The following TBC1D2 variants were observed in gnomAD, a reference collection of about 807,000 sequenced individuals.
TBC1D2 encodes TBC1 domain family member 2A.
Under a neutral mutation model 91.1 loss-of-function variants are expected in TBC1D2, and 58 were observed. That is an observed-to-expected ratio of 0.64 (90% confidence interval 0.52 to 0.79). The LOEUF is 0.79. TBC1D2 is among the 30% of genes least tolerant of loss of function. The probability of loss-of-function intolerance (pLI) is 0.00; values close to 1 mark genes in which losing one functional copy is unlikely to be tolerated. For synonymous variants in TBC1D2, 482 were observed against 511.5 expected (o/e 0.94, Z 0.78); for missense variants, 1,080 against 1,208.3 (o/e 0.89, Z 1.57).
chr9:98,201,399 C>T, intron 11 of TBC1D2, 80 bp downstream of exon 11: 1 of 1,341,576 alleles, frequency 7.5e-7, no homozygotes. Flanking sequence ...TCTTCCCATT[C>T]TCCAGGGGCA....
At chr9:98,213,366 A>C in intron 6 of TBC1D2, 148 bp from the exon 7 acceptor site, 1 of 1,464,154 alleles carries the variant, frequency 6.8e-7, no homozygotes. Context: ...AAGAAAAATA[A>C]AATACTCATA....
chr9:98,242,243 C>A (rs1486062468), intron 3 of TBC1D2, among the ~76,000 whole-genome samples: 1 of 152,016 alleles, frequency 6.6e-6, no homozygotes, highest in Non-Finnish European at 1.5e-5. Context: ...AGTTTGAGAC[C>A]AGCCTGGCCA....
At chr9:98,236,769 G>A (rs910826805) in intron 3 of TBC1D2, among the ~76,000 whole-genome samples, 4 of 152,144 alleles carry the variant, frequency 2.6e-5, no homozygotes, top group Admixed American at 6.5e-5. Context: ...AAGAGTGAGC[G>A]GAGGCACCAG....
At chr9:98,219,117 G>A (rs1299000956) in intron 6 of TBC1D2, among the ~76,000 whole-genome samples, 1 of 152,196 alleles carries the variant, frequency 6.6e-6, no homozygotes, top group African/African-American at 2.4e-5. Flanking sequence ...GGTTATGTGG[G>A]TTTTCAGTCT....
At chr9:98,235,114 A>C (rs2119149028) in intron 3 of TBC1D2, 1 of 225,916 alleles carries the variant, frequency 4.4e-6, no homozygotes, top group Middle Eastern at 1.7e-3. Flanking sequence ...TGAGGCAGAG[A>C]ATCGCTTGAA....
chr9:98,213,188 A>G lies in TBC1D2; in HGVS notation c.1405T>C (p.Cys469Arg). 1.2e-6 allele frequency: 2 copies of G among 1,613,976 alleles called. No homozygotes were observed. The highest frequency in any genetic ancestry group is 1.7e-6 in the Non-Finnish European group (2 of 1,179,980). ...DDMEAYRTQN[C>R]FLNSEIHQVT... is the part of the protein sequence containing the mutation. ...TGGTGGATCTCGGAGTTGAGGAAGC[A>G]GTTCTGGGTCCGGTAAGCTTCCATG... is the stretch of plus-strand genomic sequence containing the variant. Residue 469 changes from cysteine to arginine, a missense_variant, in exon 7 of 13, where the codon TGC (cysteine) becomes CGC (arginine). By Grantham distance (180) the Cys-to-Arg change is radical. Transcript: ENST00000465784.
chr9:98,213,069 C>G (rs1056889198), intron 7 of TBC1D2, 39 bp downstream of exon 7: 5 of 1,610,256 alleles, frequency 3.1e-6, no homozygotes, highest in Middle Eastern at 1.9e-4. Context: ...GCAGAGGGGC[C>G]AGGGATGGAG....
Position 98,255,504 on chromosome 9 carries a change from G to A in TBC1D2, c.38C>T (p.Ser13Phe). The A allele has an allele frequency of 6.5e-7, 1 of 1,548,918 alleles. No individual in the cohort carries two copies. The highest frequency in any genetic ancestry group is 1.7e-4 in the Middle Eastern group (1 of 5,734). The stretch of plus-strand genomic sequence containing the variant: ...AGACTCTTCGGACCCAGGGGCAGAG[G>A]AGCTGGACTCCGGGGCGTTCTCCCC... ...GAGENAPESS[S>F]SAPGSEESAR... Residue 13 changes from serine to phenylalanine, a missense_variant, in exon 1 of 13, where the codon TCC becomes TTC. By Grantham distance (155) the Ser-to-Phe change is radical. Transcript: ENST00000465784.
chr9:98,242,857 G>T (rs1829679587), intron 3 of TBC1D2, among the ~76,000 whole-genome samples: 2 of 130,062 alleles, frequency 1.5e-5, no homozygotes, highest in South Asian at 4.7e-4. Flanking sequence ...CTGTTGCTCA[G>T]GCTAGGATGA....
In TBC1D2 at chr9:98,199,217, A is replaced by G; in HGVS notation, c.*164T>C. On this transcript the variant is annotated 3_prime_UTR_variant, in exon 13 of 13. Coordinates refer to ENST00000465784, the MANE Select transcript of TBC1D2 (RefSeq NM_001267571.2). ...GTAGCCCAACCAATGGCTTTGCAGCACACAATGTCCCAGTGGGGAAACTGA... is the reference window on the plus strand; with the variant it reads ...GTAGCCCAACCAATGGCTTTGCAGCGCACAATGTCCCAGTGGGGAAACTGA... 1.3e-6 allele frequency: 1 copy of G among 767,756 alleles called. No individual in the cohort carries two copies. The highest frequency in any genetic ancestry group is 1.7e-5 in the African/African-American group (1 of 57,300). 47.6% of individuals were successfully genotyped at this position (767,756 alleles called of 1,614,324 possible). A position where few individuals can be genotyped will look rare whatever the true frequency, so the allele number is the denominator to read the frequency against.
chr9:98,201,353 C>CA lies in TBC1D2; in HGVS notation c.2457+125dup, dbSNP rs544237103. On this transcript the variant is annotated intron_variant, in intron 11 of 12. Transcript: ENST00000465784. ...AGCATTTTGCAGTTGACAATGCTCT[C>CA]AGGAGACGTTCAACAGCTCTGACAA... 1.1e-3 allele frequency: 982 copies of CA among 855,064 alleles called. 2 individuals are homozygous for CA. The highest frequency in any genetic ancestry group is 1.6e-3 in the Non-Finnish European group (889 of 555,566). 53.0% of individuals were successfully genotyped at this position (855,064 alleles called of 1,614,324 possible). A position where few individuals can be genotyped will look rare whatever the true frequency, so the allele number is the denominator to read the frequency against.
intron 5 of TBC1D2, among the ~76,000 whole-genome samples, chr9:98,224,731 C>T (rs1051644021): frequency 7.2e-5 from 11 of 152,190 alleles, no homozygotes; most frequent in Admixed American, 2.0e-4. Context: ...AGCATTGCTA[C>T]TTTCATCAGT....
intron 2 of TBC1D2, among the ~76,000 whole-genome samples, chr9:98,249,923 A>G (rs1183339149): frequency 2.0e-5 from 3 of 152,144 alleles, no homozygotes; most frequent in African/African-American, 7.2e-5. Context: ...CAAATATCCA[A>G]TGTGCCAGGC....
At chr9:98,211,860 T>C (rs1413839216) in intron 7 of TBC1D2, among the ~76,000 whole-genome samples, 3 of 151,600 alleles carry the variant, frequency 2.0e-5, no homozygotes, top group Admixed American at 1.3e-4. Flanking sequence ...TGCAGTGGCA[T>C]GATCTTGGCT....
chr9:98,242,441 CAAA>C (rs961264421), intron 3 of TBC1D2, among the ~76,000 whole-genome samples: 4 of 76,406 alleles, frequency 5.2e-5, no homozygotes, highest in East Asian at 3.5e-4. Flanking sequence ...ACTCCATCTC[CAAA>C]AAAAAAAAAA....
At chr9:98,202,344 T>C (rs1423308648) in intron 10 of TBC1D2, among the ~76,000 whole-genome samples, 3 of 152,166 alleles carry the variant, frequency 2.0e-5, no homozygotes, top group Non-Finnish European at 2.9e-5. Flanking sequence ...GTGGTTCTCC[T>C]CCTCCCTCTG....
chr9:98,220,222 C>T (rs113188839), intron 6 of TBC1D2, among the ~76,000 whole-genome samples: 7 of 152,282 alleles, frequency 4.6e-5, no homozygotes, highest in African/African-American at 1.7e-4. Context: ...TGGGCAGGCT[C>T]CTTAACCTTT....
At chr9:98,235,075 A>G in intron 3 of TBC1D2, 1 of 205,126 alleles carries the variant, frequency 4.9e-6, no homozygotes, top group Non-Finnish European at 1.0e-5. Flanking sequence ...GTGGTGGCGC[A>G]TGCCTGTAGT....
chr9:98,253,332 C>G (rs1362368890), intron 1 of TBC1D2, among the ~76,000 whole-genome samples: 1 of 152,192 alleles, frequency 6.6e-6, no homozygotes, highest in African/African-American at 2.4e-5. Flanking sequence ...CATTCTATTT[C>G]CCTACTATCC....
Sources: gnomAD v4.1 joint callset for allele counts (sites outside exome capture counted in the v4.1 genomes callset) on GRCh38, gnomAD v4.1.1 for gene constraint, MANE v1.5 for transcripts, NCBI Gene and HGNC (gene_info 2026-07-23, HGNC 2026-07-21) for gene names.